AUTS2: variants seen among roughly 807,000 people sequenced by gnomAD.
The protein encoded by AUTS2 is activator of transcription and developmental regulator AUTS2, also known as autism susceptibility gene 2 protein.
In AUTS2, 17 loss-of-function variants were observed where a neutral mutation model predicts 112.4. That is an observed-to-expected ratio of 0.15 (90% CI 0.10 to 0.23). AUTS2 has a LOEUF of 0.23. Among genes scored for constraint, AUTS2 ranks in the 10% least tolerant of loss-of-function variants. The pLI, the probability that AUTS2 is intolerant of heterozygous loss-of-function variation, is 1.00. For missense variants in AUTS2, 1,510 were observed against 1,701.6 expected (o/e 0.89, Z 1.98); for synonymous variants, 751 against 702.7 (o/e 1.07, Z -1.09).
chr7:70,754,407 T>C (rs763594922), intron 6 of AUTS2, among the ~76,000 whole-genome samples: 73 of 152,210 alleles, frequency 4.8e-4, no homozygotes, highest in Admixed American at 1.3e-4. Context: ...GAGGATCATT[T>C]GAGTCCGGGG....
intron 2 of AUTS2, among the ~76,000 whole-genome samples, chr7:70,117,015 T>A (rs191653466): frequency 6.6e-6 from 1 of 152,304 alleles, no homozygotes; most frequent in East Asian, 1.9e-4. Flanking sequence ...TGGTTTTCAA[T>A]TTTATGTATT....
chr7:70,469,615 C>T (rs1029369954), intron 5 of AUTS2, among the ~76,000 whole-genome samples: 1 of 151,984 alleles, frequency 6.6e-6, no homozygotes. Context: ...TGATAAGATC[C>T]GACTCGTGGT....
intron 2 of AUTS2, among the ~76,000 whole-genome samples, chr7:70,018,720 G>A (rs559061165): frequency 6.6e-6 from 1 of 152,304 alleles, no homozygotes; most frequent in South Asian, 2.1e-4. Context: ...GTTGCTTATA[G>A]TAGGAGAAAG....
intron 4 of AUTS2, among the ~76,000 whole-genome samples, chr7:70,364,100 G>C (rs1007257086): frequency 2.0e-5 from 3 of 152,146 alleles, no homozygotes; most frequent in African/African-American, 7.2e-5. Context: ...TGGCCAAGTT[G>C]ATGGTGATCA....
rs1401244037 is a variant in AUTS2 at position 69,692,520 on chromosome 7, A to G, written c.309+92558A>G. ...AGTTCAGTAGCCTGAAAACATTAAC[A>G]AATAGCTTTTATTTATTGTATCCTT... On this transcript the variant is annotated intron_variant, in intron 1 of 18. Transcript: ENST00000342771. Among the ~76,000 whole-genome samples, 4 of 152,360 alleles carry G rather than the reference A, an allele frequency of 2.6e-5. No individual in the cohort carries two copies. The South Asian group carries it at 8.3e-4, about 32-fold the overall frequency.
intron 1 of AUTS2, among the ~76,000 whole-genome samples, chr7:69,714,980 T>A (rs1390856372): frequency 2.0e-5 from 3 of 151,994 alleles, no homozygotes; most frequent in Non-Finnish European, 4.4e-5. Context: ...CCCTTAGTGC[T>A]GTTCTTAAGA....
intron 6 of AUTS2, among the ~76,000 whole-genome samples, chr7:70,747,063 G>A (rs978969966): frequency 3.3e-5 from 5 of 152,108 alleles, no homozygotes; most frequent in Admixed American, 6.6e-5. Flanking sequence ...TGTGATTTTC[G>A]TCCTGTTGAG....
chr7:69,666,185 G>A (rs1372143845), intron 1 of AUTS2, among the ~76,000 whole-genome samples: 1 of 152,074 alleles, frequency 6.6e-6, no homozygotes, highest in Non-Finnish European at 1.5e-5. Context: ...CGTACACACA[G>A]TCATACACAT....
intron 1 of AUTS2, among the ~76,000 whole-genome samples, chr7:69,718,304 C>T (rs555187234): frequency 1.3e-5 from 2 of 152,316 alleles, no homozygotes; most frequent in East Asian, 3.9e-4. Flanking sequence ...AAAAACAACA[C>T]AAACTTTTAT....
intron 4 of AUTS2, among the ~76,000 whole-genome samples, chr7:70,182,895 A>G (rs1232648120): frequency 3.9e-5 from 6 of 152,052 alleles, no homozygotes; most frequent in Non-Finnish European, 8.8e-5. Flanking sequence ...TTGGGTGGCA[A>G]TACACGTTGA....
intron 5 of AUTS2, among the ~76,000 whole-genome samples, chr7:70,524,489 G>C (rs1485143450): frequency 6.6e-6 from 1 of 152,174 alleles, no homozygotes; most frequent in Non-Finnish European, 1.5e-5. Context: ...ACATTAACTG[G>C]TGGAAGAGCT....
At chr7:69,907,522 A>G (rs1795195338) in intron 2 of AUTS2, among the ~76,000 whole-genome samples, 1 of 152,206 alleles carries the variant, frequency 6.6e-6, no homozygotes, top group East Asian at 1.9e-4. Context: ...AATCATCTCT[A>G]AATTATTTAT....
intron 5 of AUTS2, among the ~76,000 whole-genome samples, chr7:70,450,749 T>C (rs1336908303): frequency 6.6e-6 from 1 of 152,012 alleles, no homozygotes; most frequent in Non-Finnish European, 1.5e-5. Flanking sequence ...AAAGTTGTCA[T>C]AATGGGGGAT....
At position 70,774,103 on chromosome 7, in the gene AUTS2, C is replaced by G; in HGVS notation, c.1902+4C>G. 6.2e-7 allele frequency: 1 copy of G among 1,614,078 alleles called. No individual in the cohort carries two copies. The highest frequency in any genetic ancestry group is 8.5e-7 in the Non-Finnish European group (1 of 1,179,960). The stretch of plus-strand genomic sequence containing the variant: ...TTTACTCCAAAAGGACCCGAGGGTA[C>G]GTGCAAAGTCAGGCTTGGTCTCAGG... On this transcript the variant is annotated splice_donor_region_variant and intron_variant, in intron 12 of 18. Coordinates refer to ENST00000342771, the MANE Select transcript of AUTS2 (RefSeq NM_015570.4).
chr7:69,876,501 TA>T (rs1312613837), intron 1 of AUTS2, among the ~76,000 whole-genome samples: 241 of 8,178 alleles, frequency 0.029, 40 homozygotes, highest in African/African-American at 0.15. Flanking sequence ...TATATATATA[TA>T]TATATATATA....
intron 5 of AUTS2, among the ~76,000 whole-genome samples, chr7:70,455,421 G>A (rs952299717): frequency 2.6e-5 from 4 of 152,090 alleles, no homozygotes; most frequent in African/African-American, 9.7e-5. Context: ...TGGCTCATTC[G>A]TCTGATTGGA....
At chr7:70,219,543 T>A (rs1456443586) in intron 4 of AUTS2, among the ~76,000 whole-genome samples, 1 of 151,784 alleles carries the variant, frequency 6.6e-6, no homozygotes. Context: ...GAACAGAAAT[T>A]AAGGACAAAC....
In AUTS2 at chr7:70,126,209, A is replaced by G. The variant is rs188203217; in HGVS notation, c.624+7976A>G. Among the ~76,000 whole-genome samples, 441 of 152,316 alleles carry G rather than the reference A, an allele frequency of 2.9e-3. 5 individuals are homozygous for G. Among genetic ancestry groups the G allele is most frequent in the African/African-American group, 0.01 (427 of 41,558 alleles). ...CGAGGCAGGCAGATCACTTGAGGTC[A>G]GGAGTTGGAGATCAGCCTGGCCAAC... On this transcript the variant is annotated intron_variant, in intron 3 of 18. Transcript: ENST00000342771.
intron 1 of AUTS2, among the ~76,000 whole-genome samples, chr7:69,726,648 C>T (rs984226147): frequency 2.6e-5 from 4 of 152,002 alleles, no homozygotes; most frequent in African/African-American, 7.2e-5. Context: ...GTGGTTGTAC[C>T]ATTTTACATT....
Sources: allele counts gnomAD v4.1 joint callset (sites outside exome capture counted in the v4.1 genomes callset), GRCh38; gene constraint gnomAD v4.1.1; transcripts MANE v1.5; gene names NCBI Gene and HGNC (gene_info 2026-07-23, HGNC 2026-07-21).